Variants in FARS2 observed in about 807,000 individuals in gnomAD.
FARS2 encodes the protein phenylalanine--tRNA ligase, mitochondrial.
A neutral mutation model predicts 46.4 loss-of-function variants in FARS2; 40 were observed. The ratio of observed to expected loss-of-function variants is 0.86; its 90% CI spans 0.67 to 1.12. The LOEUF (loss-of-function observed/expected upper bound fraction) is 1.12. FARS2 is among the 50% of genes most tolerant of loss of function. The probability of loss-of-function intolerance (pLI) is 0.00; values close to 1 mark genes in which losing one functional copy is unlikely to be tolerated. For missense variants in FARS2, 513 were observed against 567.9 expected (o/e 0.90, Z 0.98); for synonymous variants, 234 against 214.9 (o/e 1.09, Z -0.78).
chr6:5,381,384 C>T (rs1252279611), intron 2 of FARS2, among the ~76,000 whole-genome samples: 1 of 126,576 alleles, frequency 7.9e-6, no homozygotes, highest in Non-Finnish European at 1.7e-5. Context: ...CACACACACA[C>T]ACACACACAC....
At chr6:5,512,856 A>C (rs1768541283) in intron 4 of FARS2, among the ~76,000 whole-genome samples, 1 of 152,226 alleles carries the variant, frequency 6.6e-6, no homozygotes, top group South Asian at 2.1e-4. Flanking sequence ...GGGGACTGCA[A>C]ATAGTTCATT....
chr6:5,346,282 C>G lies in FARS2; in HGVS notation c.-21-22268C>G, dbSNP rs555929877. On this transcript the variant is annotated intron_variant, in intron 1 of 6. Transcript: ENST00000274680. Reference sequence around the variant, plus strand: ...GAGTACGTTTTTATTCACTGAGGCCCATAGTACTTGGGTGAATAAAATTCA... The same window carrying G: ...GAGTACGTTTTTATTCACTGAGGCCGATAGTACTTGGGTGAATAAAATTCA... Among the ~76,000 whole-genome samples the G allele has an allele frequency of 1.1e-4, 16 of 152,272 alleles. No individual in the cohort carries two copies. The East Asian group carries it at 1.9e-3, about 18-fold the overall frequency.
intron 4 of FARS2, among the ~76,000 whole-genome samples, chr6:5,530,909 A>G (rs1360277962): frequency 1.4e-5 from 2 of 142,996 alleles, no homozygotes; most frequent in African/African-American, 5.5e-5. Flanking sequence ...GTATAACTAT[A>G]TAATGTATAA....
At chr6:5,286,318 A>T (rs1767107585) in intron 1 of FARS2, among the ~76,000 whole-genome samples, 1 of 152,120 alleles carries the variant, frequency 6.6e-6, no homozygotes, top group African/African-American at 2.4e-5. Flanking sequence ...GCTGGAGTGC[A>T]GGGGTGTGAT....
intron 4 of FARS2, among the ~76,000 whole-genome samples, chr6:5,527,875 A>G (rs1056880397): frequency 3.3e-5 from 5 of 152,238 alleles, no homozygotes; most frequent in Admixed American, 2.6e-4. Context: ...CTGCTTAACA[A>G]TACTTAATTC....
chr6:5,613,836 T>A (rs908138387), intron 6 of FARS2, among the ~76,000 whole-genome samples: 1 of 152,162 alleles, frequency 6.6e-6, no homozygotes, highest in Non-Finnish European at 1.5e-5. Flanking sequence ...AAGCATGCTA[T>A]TATGAGGGAA....
intron 1 of FARS2, among the ~76,000 whole-genome samples, chr6:5,341,889 A>G (rs1771684245): frequency 6.6e-6 from 1 of 152,244 alleles, no homozygotes; most frequent in African/African-American, 2.4e-5. Context: ...AAGGTAAAAA[A>G]AATAATTTCC....
intron 6 of FARS2, among the ~76,000 whole-genome samples, chr6:5,723,277 A>G (rs77927041): frequency 0.019 from 2,896 of 152,254 alleles, 101 homozygotes; most frequent in African/African-American, 0.063. Context: ...AACAAAGCTC[A>G]TATCTATATA....
At chr6:5,728,062 C>T (rs1004007946) in intron 6 of FARS2, among the ~76,000 whole-genome samples, 6 of 152,152 alleles carry the variant, frequency 3.9e-5, no homozygotes, top group African/African-American at 9.7e-5. Context: ...GATGGCCCCT[C>T]GATGAACTAA....
chr6:5,752,916 A>G (rs1273067663), intron 6 of FARS2, among the ~76,000 whole-genome samples: 2 of 151,876 alleles, frequency 1.3e-5, no homozygotes, highest in African/African-American at 4.8e-5. Flanking sequence ...TTAGGAAGGG[A>G]CAGTGTGGTG....
At chr6:5,422,267 C>T (rs573690561) in intron 3 of FARS2, among the ~76,000 whole-genome samples, 179 of 152,304 alleles carry the variant, frequency 1.2e-3, no homozygotes, top group Middle Eastern at 3.4e-3. Flanking sequence ...TGGGCCCCTT[C>T]CACAATGCGT....
chr6:5,485,796 C>T (rs1159809938), intron 4 of FARS2, among the ~76,000 whole-genome samples: 1 of 152,226 alleles, frequency 6.6e-6, no homozygotes, highest in Non-Finnish European at 1.5e-5. Flanking sequence ...ATGAGCCGCA[C>T]ATGGCTGTGT....
intron 5 of FARS2, among the ~76,000 whole-genome samples, chr6:5,568,857 A>T (rs1772471639): frequency 6.6e-6 from 1 of 152,188 alleles, no homozygotes; most frequent in Admixed American, 6.5e-5. Context: ...AGAAGAAATG[A>T]TGTGATATCA....
intron 3 of FARS2, among the ~76,000 whole-genome samples, chr6:5,422,050 G>A (rs1460769604): frequency 2.0e-5 from 3 of 152,188 alleles, no homozygotes; most frequent in Admixed American, 6.5e-5. Flanking sequence ...GGAAAAATAG[G>A]CTTAATGGAC....
intron 6 of FARS2, among the ~76,000 whole-genome samples, chr6:5,745,604 T>C (rs1239888435): frequency 6.6e-6 from 1 of 152,210 alleles, no homozygotes; most frequent in Non-Finnish European, 1.5e-5. Context: ...CACTGCATGA[T>C]CTTGAGTCAC....
At chr6:5,685,751 C>G (rs1395277361) in intron 6 of FARS2, among the ~76,000 whole-genome samples, 1 of 152,186 alleles carries the variant, frequency 6.6e-6, no homozygotes, top group East Asian at 1.9e-4. Context: ...AGGCCTCACC[C>G]AGGACCAGAG....
chr6:5,663,244 C>T (rs1777932535), intron 6 of FARS2, among the ~76,000 whole-genome samples: 1 of 152,224 alleles, frequency 6.6e-6, no homozygotes, highest in African/African-American at 2.4e-5. Flanking sequence ...CCCCTGGCTA[C>T]TGAATGGCTC....
chr6:5,315,741 C>CATT (rs755531154), intron 1 of FARS2, among the ~76,000 whole-genome samples: 1 of 60,004 alleles, frequency 1.7e-5, no homozygotes. Context: ...TTTCTTTTTT[C>CATT]CTTTCTTTCT....
In FARS2 at chr6:5,368,656, A is replaced by G. The variant is rs754644366; in HGVS notation, c.86A>G (p.His29Arg). The change falls in exon 2 of 7, where the codon CAC (histidine) becomes CGC (arginine). Residue 29 changes from histidine (H) to arginine (R), a missense_variant. Coordinates refer to ENST00000274680, the MANE Select transcript of FARS2 (RefSeq NM_006567.5). Reference protein sequence around the residue: ...KASHISRGHQHQAWGSRPPAA... With the variant: ...KASHISRGHQRQAWGSRPPAA... ...AGTCACATCTCCAGAGGCCATCAGCACCAGGCCTGGGGATCGAGGCCTCCT... is the reference window on the plus strand; with the variant it reads ...AGTCACATCTCCAGAGGCCATCAGCGCCAGGCCTGGGGATCGAGGCCTCCT... 8.1e-6 allele frequency: 13 copies of G among 1,614,180 alleles called. No individual in the cohort carries two copies. In the East Asian group the frequency reaches 2.9e-4, roughly 36 times the overall value.
Sources: allele counts gnomAD v4.1 joint callset (sites outside exome capture counted in the v4.1 genomes callset), GRCh38; gene constraint gnomAD v4.1.1; transcripts MANE v1.5; gene names NCBI Gene and HGNC (gene_info 2026-07-23, HGNC 2026-07-21).